ZNF185: variants seen among roughly 807,000 people sequenced by gnomAD.
ZNF185 encodes zinc finger protein 185 with LIM domain.
ZNF185 carries 56 observed loss-of-function variants against 58.6 expected under a neutral mutation model. The observed-to-expected ratio is 0.95, with a 90% CI of 0.77 to 1.19. The LOEUF (loss-of-function observed/expected upper bound fraction) is 1.19. Ranked by LOEUF, ZNF185 falls within the 50% of genes most tolerant of loss-of-function variation. The probability of loss-of-function intolerance (pLI) is 0.00; values close to 1 mark genes in which losing one functional copy is unlikely to be tolerated. For missense variants in ZNF185, 627 were observed against 573.5 expected (o/e 1.09, Z -0.95); for synonymous variants, 230 against 215.9 (o/e 1.07, Z -0.57).
At chrX:152,941,837 T>G in intron 15 of ZNF185, 1 of 1,145,407 alleles carries the variant, frequency 8.7e-7, no homozygotes, top group Non-Finnish European at 1.2e-6. Flanking sequence ...CCGCGTAAGG[T>G]CTGAAGCCGC....
chrX:152,933,308 G>A (rs2045914728), intron 14 of ZNF185, among the ~76,000 whole-genome samples: 2 of 112,398 alleles, frequency 1.8e-5, no homozygotes, highest in African/African-American at 3.2e-5. Flanking sequence ...ACAAATTAAT[G>A]AGTGAATGAC....
intron 9 of ZNF185, among the ~76,000 whole-genome samples, chrX:152,921,774 T>G (rs926671762): frequency 3.6e-5 from 4 of 110,852 alleles, no homozygotes; most frequent in African/African-American, 1.3e-4. Context: ...TGTACCTGCA[T>G]CACTCCAGTC....
intron 11 of ZNF185, among the ~76,000 whole-genome samples, chrX:152,925,260 C>T (rs1296201051): frequency 9.0e-6 from 1 of 111,401 alleles, no homozygotes; most frequent in Admixed American, 9.5e-5. Context: ...GAGCTGTGAC[C>T]GCACCCTTAC....
intron 11 of ZNF185, among the ~76,000 whole-genome samples, chrX:152,925,656 G>A (rs1365380946): frequency 1.8e-5 from 2 of 111,569 alleles, no homozygotes; most frequent in Non-Finnish European, 3.8e-5. Flanking sequence ...ACCCTACCAC[G>A]TTAGGTGCTG....
chrX:152,932,302 C>G (rs3955222), intron 13 of ZNF185, among the ~76,000 whole-genome samples: 1 of 111,646 alleles, frequency 9.0e-6, no homozygotes, highest in Non-Finnish European at 1.9e-5. Flanking sequence ...GGGTCCAGGA[C>G]GGGAAGTTGG....
In ZNF185 at chrX:152,922,744, G is replaced by A. The variant is rs140454766; in HGVS notation, c.765G>A (p.Ala255=). ...GTGCGGATGGAGGCAGGACCAAAGC[G>A]TCTCGGGCAATTTGGATCGAGTGCC... Residue 255 remains alanine (A), a synonymous_variant, in exon 11 of 23, where the codon GCG becomes GCA. Coordinates refer to ENST00000449285, the Ensembl canonical transcript of ZNF185. 4.3e-5 allele frequency: 52 copies of A among 1,199,598 alleles called. No individual in the cohort carries two copies. In the East Asian group the frequency reaches 5.1e-4, roughly 12 times the overall value.
chrX:152,959,310 G>A (rs782644083), intron 16 of ZNF185, among the ~76,000 whole-genome samples: 1 of 112,344 alleles, frequency 8.9e-6, no homozygotes, highest in African/African-American at 3.2e-5. Context: ...CAGGTCTTGA[G>A]CACCATGGTC....
intron 17 of ZNF185, 77 bp from the exon 20 acceptor site, chrX:152,963,762 C>A: frequency 1.1e-6 from 1 of 926,639 alleles, no homozygotes; most frequent in Non-Finnish European, 1.5e-6. Context: ...AAGGGTTAGG[C>A]TCAGAAAAGC....
At chrX:152,937,655 G>A (rs1472104901) in intron 14 of ZNF185, among the ~76,000 whole-genome samples, 1 of 112,508 alleles carries the variant, frequency 8.9e-6, no homozygotes, top group African/African-American at 3.2e-5. Flanking sequence ...TAGTGGTTTA[G>A]AGCCAAGTAT....
intron 14 of ZNF185, among the ~76,000 whole-genome samples, chrX:152,935,820 C>T (rs2125568442): frequency 8.9e-6 from 1 of 111,970 alleles, no homozygotes; most frequent in Admixed American, 9.5e-5. Context: ...GTGGAGGGCA[C>T]AGGCTTGTAT....
the ZNF185 span, among the ~76,000 whole-genome samples, chrX:152,903,388 CAAAAAAAAAAAAAA>C: frequency 1.3e-3 from 47 of 35,862 alleles, 1 homozygote; most frequent in South Asian, 0.014. Flanking sequence ...AGACTCGTCT[CAAAAAAAAAAAAAA>C]AAAAAAAAAA....
rs1556893921 is a variant in ZNF185 at position 152,945,372 on chromosome X, C to T, written c.1317C>T (p.Pro439=). 1.4e-5 allele frequency: 17 copies of T among 1,205,984 alleles called. No homozygotes were observed. The South Asian group carries it at 1.6e-4, about 11-fold the overall frequency. The stretch of plus-strand genomic sequence containing the variant: ...GTGGCCAAGGAGACCCAGCTGTACC[C>T]GCTCAGCAACCTGCAGATCCCAGCA... The change falls in exon 16 of 23, where the codon CCC becomes CCT. Residue 439 remains proline (P), a synonymous_variant. Transcript: ENST00000449285.
At chrX:152,941,825 C>T in intron 15 of ZNF185, 5 of 1,157,184 alleles carry the variant, frequency 4.3e-6, no homozygotes, top group Non-Finnish European at 5.8e-6. Context: ...CTGCCCCTTC[C>T]CCCGCGTAAG....
At chrX:152,919,331 A>G (rs979876677) in intron 7 of ZNF185, among the ~76,000 whole-genome samples, 44 of 81,214 alleles carry the variant, frequency 5.4e-4, no homozygotes, top group African/African-American at 2.0e-3. Context: ...GGGTCCGGGG[A>G]AAAGCCTCCT....
In ZNF185 at chrX:152,938,309, A is replaced by T. The variant is rs114617515; in HGVS notation, c.1211+146A>T. ...CATAGCAAGGGCAGAAGCCCCAACC[A>T]GAACCCTCTGGCTTCTGGGGCCAGG... On this transcript the variant is annotated intron_variant, in intron 15 of 22. Coordinates refer to ENST00000449285, the Ensembl canonical transcript of ZNF185. The T allele has an allele frequency of 4.4e-3, 2,244 of 506,652 alleles. 53 individuals are homozygous for T. The African/African-American group carries it at 0.048, about 11-fold the overall frequency. 41.8% of individuals were successfully genotyped at this position (506,652 alleles called of 1,213,427 possible). A position where few individuals can be genotyped will look rare whatever the true frequency, so the allele number is the denominator to read the frequency against.
At chrX:152,932,064 C>G (rs1393977355) in intron 13 of ZNF185, among the ~76,000 whole-genome samples, 1 of 112,621 alleles carries the variant, frequency 8.9e-6, no homozygotes, top group East Asian at 2.8e-4. Flanking sequence ...CAGGCTATCC[C>G]CAGCTCCTGG....
intron 12 of ZNF185, 79 bp from the exon 14 acceptor site, chrX:152,931,593 C>A: frequency 1.2e-6 from 1 of 859,576 alleles, no homozygotes; most frequent in Non-Finnish European, 1.6e-6. Flanking sequence ...AGACAGCTGG[C>A]GTTTGAGGAT....
intron 16 of ZNF185, among the ~76,000 whole-genome samples, chrX:152,951,649 G>A (rs1160888480): frequency 9.0e-6 from 1 of 111,150 alleles, no homozygotes; most frequent in Non-Finnish European, 1.9e-5. Context: ...AAAACAGGAG[G>A]TAGGTAATTT....
At chrX:152,959,637 C>T in intron 16 of ZNF185, 62 bp from the exon 19 acceptor site, 3 of 1,119,293 alleles carry the variant, frequency 2.7e-6, no homozygotes, top group Non-Finnish European at 3.6e-6. Flanking sequence ...AGCCTACCTG[C>T]CATGGGAGAA....
Sources: allele counts gnomAD v4.1 joint callset (sites outside exome capture counted in the v4.1 genomes callset), GRCh38; gene constraint gnomAD v4.1.1; transcripts MANE v1.5; gene names NCBI Gene and HGNC (gene_info 2026-07-23, HGNC 2026-07-21).